ANO3: variants seen among roughly 807,000 people sequenced by gnomAD.
ANO3 encodes anoctamin-3.
Under a neutral mutation model 144.8 loss-of-function variants are expected in ANO3, and 99 were observed. The ratio of observed to expected loss-of-function variants is 0.68; its 90% CI spans 0.58 to 0.81. ANO3 has a LOEUF of 0.81. ANO3 is among the 30% of genes least tolerant of loss of function. The probability of loss-of-function intolerance (pLI) is 0.00; values close to 1 mark genes in which losing one functional copy is unlikely to be tolerated. For synonymous variants in ANO3, 414 were observed against 392.6 expected (o/e 1.05, Z -0.64); for missense variants, 905 against 1,202.2 (o/e 0.75, Z 3.66).
intron 4 of ANO3, among the ~76,000 whole-genome samples, chr11:26,491,880 T>C (rs1299690832): frequency 6.6e-6 from 1 of 152,168 alleles, no homozygotes; most frequent in Non-Finnish European, 1.5e-5. Flanking sequence ...AACTTAAAAG[T>C]AAAAGAGTTA....
intron 14 of ANO3, among the ~76,000 whole-genome samples, chr11:26,564,416 G>T (rs115891049): frequency 8.7e-5 from 10 of 114,584 alleles, no homozygotes; most frequent in Middle Eastern, 9.1e-3. Flanking sequence ...TGAGTTCTTG[G>T]AGGAAAACAA....
chr11:26,644,672 G>T (rs1313110248), intron 23 of ANO3, among the ~76,000 whole-genome samples: 1 of 152,066 alleles, frequency 6.6e-6, no homozygotes, highest in Non-Finnish European at 1.5e-5. Flanking sequence ...AAAATTTGTT[G>T]TTCTATTTAC....
rs1554928314 is a variant in ANO3, at chr11:26,245,018, T to TGTGCGCAC, written c.154+55692_154+55693insGCACGTGC. ...GTGTGTGTGTGTGTGTGTGTGTGTGTGTGCATGCATGCATTTGTCTTTCAT... is the reference window on the plus strand; with the variant it reads ...GTGTGTGTGTGTGTGTGTGTGTGTGTGTGCGCACGTGCATGCATGCATTTGTCTTTCAT... On this transcript the variant is annotated intron_variant, in intron 1 of 27. Coordinates refer to the ANO3 transcript ENST00000672621. 1.4e-5 allele frequency among the ~76,000 whole-genome samples: 2 copies of TGTGCGCAC among 145,324 alleles called. 1 individual carries two copies. The highest frequency in any genetic ancestry group is 4.5e-4 in the South Asian group (2 of 4,450).
intron 1 of ANO3, among the ~76,000 whole-genome samples, chr11:26,189,912 C>T (rs753445619): frequency 4.6e-5 from 7 of 152,030 alleles, no homozygotes; most frequent in Non-Finnish European, 1.0e-4. Flanking sequence ...AGTTTTTGTT[C>T]TTGCTCTGCA....
At chr11:26,451,366 C>T (rs1273455108) in intron 3 of ANO3, among the ~76,000 whole-genome samples, 4 of 152,168 alleles carry the variant, frequency 2.6e-5, no homozygotes, top group Non-Finnish European at 4.4e-5. Context: ...CCTGGAAAAT[C>T]GGGTCACTCC....
At chr11:26,401,408 G>A (rs958234477) in intron 1 of ANO3, among the ~76,000 whole-genome samples, 6 of 152,132 alleles carry the variant, frequency 3.9e-5, no homozygotes, top group South Asian at 2.1e-4. Flanking sequence ...CATAGTATCC[G>A]CTTTCCTGGT....
At chr11:26,569,133 C>T (rs1233152379) in intron 14 of ANO3, among the ~76,000 whole-genome samples, 2 of 152,130 alleles carry the variant, frequency 1.3e-5, no homozygotes, top group South Asian at 4.1e-4. Flanking sequence ...AAAGTGAATT[C>T]TGTTGTTCCT....
Position 26,497,795 on chromosome 11 carries a change from T to C in ANO3, c.433-10309T>C, listed in dbSNP as rs191657615. Among the ~76,000 whole-genome samples, 71 of 152,196 alleles carry C rather than the reference T, an allele frequency of 4.7e-4. No individual in the cohort carries two copies. The East Asian group carries it at 0.013, about 28-fold the overall frequency. On this transcript the variant is annotated intron_variant, in intron 4 of 26. Coordinates refer to ENST00000256737, the MANE Select transcript of ANO3 (RefSeq NM_031418.4). ...TTTTTTCAAACTTTCTATAAAATTT[T>C]ACTCCCCAAATTCCTTTACAATAAA...
At chr11:26,203,324 G>A (rs998737159) in intron 1 of ANO3, among the ~76,000 whole-genome samples, 2 of 152,040 alleles carry the variant, frequency 1.3e-5, no homozygotes, top group East Asian at 1.9e-4. Context: ...AACATTGTAC[G>A]CTACCTTTTT....
At chr11:26,222,996 T>C (rs1852179342) in intron 1 of ANO3, among the ~76,000 whole-genome samples, 1 of 152,208 alleles carries the variant, frequency 6.6e-6, no homozygotes, top group Non-Finnish European at 1.5e-5. Context: ...CTAATCTTTC[T>C]AGCAAGTAGT....
chr11:26,409,628 A>C (rs1857380745), intron 1 of ANO3, among the ~76,000 whole-genome samples: 1 of 152,026 alleles, frequency 6.6e-6, no homozygotes, highest in Non-Finnish European at 1.5e-5. Flanking sequence ...GTGATGAAAT[A>C]ATGTGGACAT....
intron 18 of ANO3, 63 bp downstream of exon 18, chr11:26,624,561 T>C (rs1379667388): frequency 3.4e-6 from 4 of 1,180,536 alleles, no homozygotes; most frequent in Non-Finnish European, 5.0e-6. Flanking sequence ...TTTCAGTCTG[T>C]AGTTACTTTA....
chr11:26,579,721 G>T (rs1851080296), intron 14 of ANO3, among the ~76,000 whole-genome samples: 1 of 151,828 alleles, frequency 6.6e-6, no homozygotes, highest in Admixed American at 6.6e-5. Context: ...TAAGTCACGT[G>T]GATCTTTTTT....
intron 1 of ANO3, among the ~76,000 whole-genome samples, chr11:26,384,152 G>C (rs1404376732): frequency 6.6e-6 from 1 of 151,680 alleles, no homozygotes; most frequent in African/African-American, 2.4e-5. Context: ...CGCCCGCCTT[G>C]GCCTCCCAAA....
chr11:26,441,653 T>A (rs1858526172), intron 1 of ANO3, among the ~76,000 whole-genome samples: 1 of 152,162 alleles, frequency 6.6e-6, no homozygotes, highest in South Asian at 2.1e-4. Context: ...AACTTAAACA[T>A]CAGTTTCTTT....
intron 1 of ANO3, among the ~76,000 whole-genome samples, chr11:26,253,576 A>C (rs1446653161): frequency 6.6e-6 from 1 of 152,112 alleles, no homozygotes; most frequent in Admixed American, 6.6e-5. Flanking sequence ...AAAAAAAAAA[A>C]ACCTCACTGG....
At chr11:26,637,079 T>C (rs1326975107) in intron 20 of ANO3, among the ~76,000 whole-genome samples, 5 of 152,210 alleles carry the variant, frequency 3.3e-5, no homozygotes, top group African/African-American at 7.2e-5. Flanking sequence ...TATGGGCTTT[T>C]TCTACCAAAT....
intron 1 of ANO3, among the ~76,000 whole-genome samples, chr11:26,189,851 A>T (rs1851442083): frequency 6.6e-6 from 1 of 152,184 alleles, no homozygotes; most frequent in African/African-American, 2.4e-5. Flanking sequence ...AATATAATTA[A>T]ATGTGAAGAA....
At chr11:26,256,796 CT>C (rs1009236932) in intron 1 of ANO3, among the ~76,000 whole-genome samples, 26 of 151,330 alleles carry the variant, frequency 1.7e-4, no homozygotes, top group Middle Eastern at 6.8e-3. Flanking sequence ...ATAGGTGTGT[CT>C]TTTTTTTTAT....
Sources: allele counts gnomAD v4.1 joint callset (sites outside exome capture counted in the v4.1 genomes callset), GRCh38; gene constraint gnomAD v4.1.1; transcripts MANE v1.5; gene names NCBI Gene and HGNC (gene_info 2026-07-23, HGNC 2026-07-21).